The following ZNF423 variants were observed in gnomAD, a reference collection of about 807,000 sequenced individuals.
ZNF423 encodes the protein zinc finger protein 423.
Under a neutral mutation model 95.8 loss-of-function variants are expected in ZNF423, and 12 were observed. The ratio of observed to expected loss-of-function variants is 0.13; its 90% CI spans 0.08 to 0.20. The LOEUF (loss-of-function observed/expected upper bound fraction) is 0.20, where lower values mean the gene tolerates loss of function less well. ZNF423 is among the 10% of genes least tolerant of loss of function. The pLI is 1.00. For synonymous variants in ZNF423, 749 were observed against 711.9 expected (o/e 1.05, Z -0.83); for missense variants, 1,316 against 1,737.1 (o/e 0.76, Z 4.31).
intron 3 of ZNF423, among the ~76,000 whole-genome samples, chr16:49,677,324 AGGGGAGGGGAGGG>A (rs2031140843): frequency 7.7e-5 from 3 of 39,154 alleles, no homozygotes; most frequent in African/African-American, 2.3e-4. Flanking sequence ...AGGGGAAGGG[AGGGGAGGGGAGGG>A]GAGGGGAGGA....
chr16:49,577,960 T>C (rs377298750), intron 5 of ZNF423, among the ~76,000 whole-genome samples: 64 of 152,204 alleles, frequency 4.2e-4, no homozygotes, highest in African/African-American at 1.5e-3. Context: ...CCTAGACACA[T>C]GGCAGGCACA....
In ZNF423 at chr16:49,855,674, T is replaced by C; in HGVS notation, c.40+61A>G. The C allele has an allele frequency of 6.2e-6, 1 of 160,538 alleles. No homozygotes were observed. Among genetic ancestry groups the C allele is most frequent in the Non-Finnish European group, 1.4e-5 (1 of 73,998 alleles). 9.9% of individuals were successfully genotyped at this position (160,538 alleles called of 1,614,324 possible). On this transcript the variant is annotated intron_variant, in intron 1 of 7. Coordinates refer to ENST00000563137, the MANE Select transcript of ZNF423 (RefSeq NM_001379286.1). The surrounding 1 kb of genome is among the most constrained non-coding windows in gnomAD (Gnocchi z 4.7). ...AGCCAGCCCGCTCGCCGGTCCCTCC[T>C]CCCTCGCTCCCTCCCTCCTCGCTCG...
chr16:49,785,332 T>C (rs965472426), intron 2 of ZNF423, among the ~76,000 whole-genome samples: 2 of 152,162 alleles, frequency 1.3e-5, no homozygotes, highest in Non-Finnish European at 2.9e-5. Flanking sequence ...CCTCCTGCCT[T>C]GACCTCACAA....
At chr16:49,600,527 A>T (rs1971331638) in intron 5 of ZNF423, among the ~76,000 whole-genome samples, 1 of 151,962 alleles carries the variant, frequency 6.6e-6, no homozygotes, top group African/African-American at 2.4e-5. Context: ...AGGGTCAGAT[A>T]GACACAATTC....
intron 7 of ZNF423, among the ~76,000 whole-genome samples, chr16:49,506,196 A>G (rs1452073450): frequency 6.6e-6 from 1 of 152,212 alleles, no homozygotes. Context: ...CCTCACACTC[A>G]ATACTGGAGG....
chr16:49,788,933 T>G (rs141372165), intron 2 of ZNF423, among the ~76,000 whole-genome samples: 69 of 152,326 alleles, frequency 4.5e-4, no homozygotes, highest in African/African-American at 1.6e-3. Flanking sequence ...CATCCACCTC[T>G]TTTTACAGCT....
At chr16:49,662,638 G>T (rs373149376) in intron 3 of ZNF423, among the ~76,000 whole-genome samples, 2 of 152,152 alleles carry the variant, frequency 1.3e-5, no homozygotes, top group African/African-American at 4.8e-5. Flanking sequence ...AAATCAGTCC[G>T]TAGTAAATCA....
chr16:49,689,209 A>G (rs1034077825), intron 3 of ZNF423, among the ~76,000 whole-genome samples: 22 of 152,000 alleles, frequency 1.4e-4, no homozygotes, highest in Admixed American at 1.3e-4. Flanking sequence ...TGGGAGGTCA[A>G]TGCAGGAGGA....
At chr16:49,784,720 T>C (rs1364479633) in intron 2 of ZNF423, among the ~76,000 whole-genome samples, 1 of 151,920 alleles carries the variant, frequency 6.6e-6, no homozygotes, top group Admixed American at 6.6e-5. Context: ...GAGGCTAAGG[T>C]GGGTGGATCA....
intron 1 of ZNF423, chr16:49,853,876 T>A (rs2035328246): frequency 1.0e-6 from 1 of 985,266 alleles, no homozygotes; most frequent in East Asian, 1.1e-4. Flanking sequence ...GGATTGGAAG[T>A]CTAGGTAAGC....
At position 49,822,858 on chromosome 16, in the gene ZNF423, G is replaced by A. The variant is rs149915295; in HGVS notation, c.40+32877C>T. 3.4e-4 allele frequency: 226 copies of A among 665,832 alleles called. 1 individual carries two copies. Among genetic ancestry groups the A allele is most frequent in the African/African-American group, 3.1e-3 (165 of 53,710 alleles). The allele number at this position is 665,832 out of a possible 1,614,324, so 41.2% of individuals were successfully genotyped here. On this transcript the variant is annotated intron_variant, in intron 1 of 7. Transcript: ENST00000563137. ...CAAACTGAGGCTCAGACTACTTAAC[G>A]ACTTGCCCAGGTAGTCATCTACGCA...
Position 49,793,656 on chromosome 16 carries a change from C to G in ZNF423, c.41-4110G>C, listed in dbSNP as rs552761472. On this transcript the variant is annotated intron_variant, in intron 1 of 7. Transcript: ENST00000563137. The stretch of plus-strand genomic sequence containing the variant: ...ACACTGGAGGGTGCACAGGGTATAC[C>G]GGCATAGGGACAGCACGTGAAGCAA... Among the ~76,000 whole-genome samples the G allele has an allele frequency of 1.4e-4, 21 of 152,198 alleles. No individual in the cohort carries two copies. The South Asian group carries it at 4.1e-3, about 30-fold the overall frequency.
intron 3 of ZNF423, among the ~76,000 whole-genome samples, chr16:49,728,085 C>G (rs902319812): frequency 5.3e-5 from 8 of 152,174 alleles, no homozygotes; most frequent in Non-Finnish European, 1.0e-4. Context: ...CCCCAGTACT[C>G]ACTTCCTACA....
chr16:49,802,997 G>T (rs2034605478), intron 1 of ZNF423, among the ~76,000 whole-genome samples: 1 of 152,158 alleles, frequency 6.6e-6, no homozygotes, highest in Non-Finnish European at 1.5e-5. Context: ...GCTCACACTT[G>T]CAATTCCAGG....
At chr16:49,858,601 C>T (rs1405322517), upstream of ZNF423, among the ~76,000 whole-genome samples, 2 of 152,118 alleles carry the variant, frequency 1.3e-5, no homozygotes, top group Non-Finnish European at 2.9e-5. This position sits in a 1 kb window ranked among gnomAD's most constrained non-coding sequence, Gnocchi z 4.3. Context: ...CTAACTAGAC[C>T]TAAGCCTTGA....
chr16:49,783,742 C>A (rs2143790146), intron 2 of ZNF423, among the ~76,000 whole-genome samples: 1 of 152,092 alleles, frequency 6.6e-6, no homozygotes, highest in East Asian at 1.9e-4. Context: ...AAGGCTGACG[C>A]TTGCAGATCA....
chr16:49,709,951 C>T (rs2032492224), intron 3 of ZNF423, among the ~76,000 whole-genome samples: 1 of 152,080 alleles, frequency 6.6e-6, no homozygotes, highest in African/African-American at 2.4e-5. Context: ...CTGAGGCAGC[C>T]ACAATAATCA....
At chr16:49,650,314 A>G (rs888439836) in intron 3 of ZNF423, among the ~76,000 whole-genome samples, 1 of 152,208 alleles carries the variant, frequency 6.6e-6, no homozygotes, top group Non-Finnish European at 1.5e-5. Flanking sequence ...CTGTGAGACC[A>G]TGGGAAAATT....
chr16:49,751,670 T>A (rs2033635406), intron 2 of ZNF423, among the ~76,000 whole-genome samples: 1 of 152,158 alleles, frequency 6.6e-6, no homozygotes, highest in Admixed American at 6.5e-5. Flanking sequence ...CCAGAACTAG[T>A]CTTCTGATTT....
Sources: gnomAD v4.1 joint callset for allele counts (sites outside exome capture counted in the v4.1 genomes callset) on GRCh38, gnomAD v4.1.1 for gene constraint, Gnocchi (gnomAD v3.1) non-coding constraint, MANE v1.5 for transcripts, NCBI Gene and HGNC (gene_info 2026-07-23, HGNC 2026-07-21) for gene names.